The following SLF1 variants were observed in gnomAD, a reference collection of about 807,000 sequenced individuals.
SLF1 encodes the protein SMC5-SMC6 complex localization factor protein 1.
In SLF1, 105 loss-of-function variants were observed where a neutral mutation model predicts 123.0. That is an observed-to-expected ratio of 0.85 (90% CI 0.73 to 1.00). SLF1 has a LOEUF of 1.00. Ranked by LOEUF, SLF1 falls within the 50% of genes least tolerant of loss-of-function variation. The pLI is 0.00. For missense variants in SLF1, 1,239 were observed against 1,223.0 expected (o/e 1.01, Z -0.20); for synonymous variants, 434 against 406.6 (o/e 1.07, Z -0.81).
At chr5:94,686,180 T>G (rs1283683541) in intron 15 of SLF1, among the ~76,000 whole-genome samples, 1 of 152,222 alleles carries the variant, frequency 6.6e-6, no homozygotes, top group Non-Finnish European at 1.5e-5. Flanking sequence ...TGTATGTTCA[T>G]TTAAAAACTA....
intron 1 of SLF1, among the ~76,000 whole-genome samples, chr5:94,628,079 G>A (rs907572331): frequency 1.3e-5 from 2 of 151,934 alleles, no homozygotes; most frequent in Admixed American, 6.6e-5. Context: ...TGCCCGCCTC[G>A]GCCTCCCAAA....
At chr5:94,637,205 G>A (rs1745914861) in intron 4 of SLF1, among the ~76,000 whole-genome samples, 1 of 152,078 alleles carries the variant, frequency 6.6e-6, no homozygotes. Context: ...GTGTTCTTTG[G>A]CAGGGACAGA....
intron 1 of SLF1, among the ~76,000 whole-genome samples, chr5:94,626,184 C>T (rs1324952232): frequency 6.8e-6 from 1 of 148,102 alleles, no homozygotes; most frequent in Admixed American, 6.9e-5. Context: ...ACCCAGGAGG[C>T]GGAACTTGCA....
At chr5:94,686,045 T>C (rs1752392516) in intron 15 of SLF1, among the ~76,000 whole-genome samples, 1 of 152,182 alleles carries the variant, frequency 6.6e-6, no homozygotes, top group African/African-American at 2.4e-5. Context: ...TCTTGTTTCA[T>C]GTTTTTCTTC....
At chr5:94,684,039 G>C (rs541440814) in intron 15 of SLF1, among the ~76,000 whole-genome samples, 8 of 151,886 alleles carry the variant, frequency 5.3e-5, no homozygotes, top group African/African-American at 1.9e-4. Flanking sequence ...GTAATATGTC[G>C]ACCTGTCATA....
At position 94,658,121 on chromosome 5, in the gene SLF1, T is replaced by C. The variant is rs541646993; in HGVS notation, c.1155+3369T>C. On this transcript the variant is annotated intron_variant, in intron 9 of 20. Coordinates refer to ENST00000265140, the MANE Select transcript of SLF1 (RefSeq NM_032290.4). ...GTTGTTTTGTGTGTCCTTTTTTTCATTTCTTCTTTTATTGTTTGTCATTGC... is the reference window on the plus strand; with the variant it reads ...GTTGTTTTGTGTGTCCTTTTTTTCACTTCTTCTTTTATTGTTTGTCATTGC... 1.7e-3 allele frequency among the ~76,000 whole-genome samples: 254 copies of C among 151,920 alleles called. 1 individual carries two copies. The highest frequency in any genetic ancestry group is 2.7e-3 in the Non-Finnish European group (185 of 67,866).
chr5:94,690,950 G>GTA (rs1327343744), intron 18 of SLF1, among the ~76,000 whole-genome samples: 1 of 150,814 alleles, frequency 6.6e-6, no homozygotes, highest in East Asian at 1.9e-4. Flanking sequence ...GTGTGTGTGT[G>GTA]TGGTGTGTTT....
intron 5 of SLF1, among the ~76,000 whole-genome samples, chr5:94,646,115 G>A (rs962357768): frequency 2.6e-5 from 4 of 152,132 alleles, no homozygotes; most frequent in Admixed American, 1.3e-4. Context: ...TGCTGGATGT[G>A]GTGGCACACC....
At chr5:94,642,120 C>T (rs189528290) in intron 4 of SLF1, among the ~76,000 whole-genome samples, 52 of 152,286 alleles carry the variant, frequency 3.4e-4, no homozygotes, top group Middle Eastern at 3.4e-3. Context: ...GGTCTGAAGG[C>T]AAAAGACTGT....
At chr5:94,680,738 C>T (rs969753610) in intron 15 of SLF1, among the ~76,000 whole-genome samples, 1 of 152,186 alleles carries the variant, frequency 6.6e-6, no homozygotes, top group Non-Finnish European at 1.5e-5. Context: ...ACCTGTTATA[C>T]ATTTGCTTCA....
intron 5 of SLF1, among the ~76,000 whole-genome samples, chr5:94,645,871 T>C (rs1746972284): frequency 6.6e-6 from 1 of 152,234 alleles, no homozygotes; most frequent in Non-Finnish European, 1.5e-5. Context: ...TTTCAGTGTC[T>C]TGCTTTTCTT....
rs1313939770 is a variant in SLF1 at position 94,643,295 on chromosome 5, A to C, written c.454A>C (p.Asn152His). 6.5e-7 allele frequency: 1 copy of C among 1,540,332 alleles called. No homozygotes were observed. The highest frequency in any genetic ancestry group is 8.8e-7 in the Non-Finnish European group (1 of 1,142,796). Residue 152 changes from asparagine (N) to histidine (H), a missense_variant, in exon 5 of 21, where the codon AAT (asparagine) becomes CAT (histidine). Transcript: ENST00000265140. ...TAGAGTTTTGGAGGCTGGAAAGGCA[A>C]ATGTTATTTTACCAAAAAGTTCACC... Reference protein sequence around the residue: ...LIRVLEAGKANVILPKSSPSG... With the variant: ...LIRVLEAGKAHVILPKSSPSG...
At chr5:94,685,263 G>A (rs1235867811) in intron 15 of SLF1, among the ~76,000 whole-genome samples, 1 of 152,146 alleles carries the variant, frequency 6.6e-6, no homozygotes, top group East Asian at 1.9e-4. Context: ...GTTTATCATT[G>A]TCTGATTTTA....
intron 1 of SLF1, among the ~76,000 whole-genome samples, chr5:94,621,758 T>G (rs1044958364): frequency 6.6e-6 from 1 of 152,156 alleles, no homozygotes; most frequent in Non-Finnish European, 1.5e-5. Flanking sequence ...TTCTGTTTCT[T>G]CCTTCTAGCG....
At chr5:94,691,519 G>T (rs1244453748) in intron 18 of SLF1, 45 bp from the exon 19 acceptor site, 1 of 1,489,322 alleles carries the variant, frequency 6.7e-7, no homozygotes, top group Non-Finnish European at 9.2e-7. Flanking sequence ...TTTTTTAGTT[G>T]ATATCTTGTC....
At chr5:94,630,435 G>A in intron 3 of SLF1, 68 bp from the exon 4 acceptor site, 1 of 1,452,714 alleles carries the variant, frequency 6.9e-7, no homozygotes. Context: ...TTTTATATTT[G>A]ATCTTTATTG....
chr5:94,645,392 A>G (rs970662502), intron 5 of SLF1, among the ~76,000 whole-genome samples: 1 of 152,096 alleles, frequency 6.6e-6, no homozygotes, highest in Non-Finnish European at 1.5e-5. Context: ...ATTAGATCAC[A>G]TTGCTTTTCT....
intron 18 of SLF1, among the ~76,000 whole-genome samples, chr5:94,690,930 GTC>G (rs1752992773): frequency 7.5e-6 from 1 of 132,538 alleles, no homozygotes; most frequent in Admixed American, 8.0e-5. Flanking sequence ...CCGTGTGTGT[GTC>G]TGTGTGTGTG....
At chr5:94,694,226 T>C (rs568736902) in intron 20 of SLF1, among the ~76,000 whole-genome samples, 1 of 152,050 alleles carries the variant, frequency 6.6e-6, no homozygotes, top group African/African-American at 2.4e-5. Flanking sequence ...ACTTTCTAAG[T>C]AGGTAGTTAA....
Sources: gnomAD v4.1 joint callset for allele counts (sites outside exome capture counted in the v4.1 genomes callset) on GRCh38, gnomAD v4.1.1 for gene constraint, MANE v1.5 for transcripts, NCBI Gene and HGNC (gene_info 2026-07-23, HGNC 2026-07-21) for gene names.